NFYB: variants seen among roughly 807,000 people sequenced by gnomAD.
NFYB encodes the protein nuclear transcription factor Y subunit beta, also known as CAAT box DNA-binding protein subunit B.
NFYB carries 13 observed loss-of-function variants against 28.0 expected under a neutral mutation model. The observed-to-expected ratio is 0.46, with a 90% CI of 0.30 to 0.74. The LOEUF is 0.74. Among genes scored for constraint, NFYB ranks in the 30% least tolerant of loss-of-function variants. The pLI is 0.07. For missense variants in NFYB, 142 were observed against 247.6 expected, an observed-to-expected ratio of 0.57 and a Z score of 2.86; for synonymous variants, 74 against 75.0, an observed-to-expected ratio of 0.99 and a Z score of 0.07.
intron 1 of NFYB, chr12:104,137,399 C>G (rs2031143008): frequency 6.6e-6 from 1 of 152,294 alleles, no homozygotes; most frequent in African/African-American, 2.4e-5. Flanking sequence ...ACAGGGACCG[C>G]AAACCGCCAG....
chr12:104,120,786 A>C (rs915522292), intron 6 of NFYB, among the ~76,000 whole-genome samples: 8 of 152,206 alleles, frequency 5.3e-5, no homozygotes, highest in African/African-American at 1.9e-4. Context: ...CTACACCATG[A>C]GGTTTGGCTA....
In NFYB at chr12:104,118,948, G is replaced by T. The variant is rs945932000; in HGVS notation, c.*789C>A. On this transcript the variant is annotated 3_prime_UTR_variant, in exon 8 of 8. Coordinates refer to ENST00000240055, the MANE Select transcript of NFYB (RefSeq NM_006166.4). ...TTTGAAAAAAAATCATGTACCAAAT[G>T]AAAGGGGCACCATTTCAAGAGCACT... is the stretch of plus-strand genomic sequence containing the variant. 1 of 152,120 alleles carries T rather than the reference G, an allele frequency of 6.6e-6. No individual in the cohort carries two copies. The highest frequency in any genetic ancestry group is 1.5e-5 in the Non-Finnish European group (1 of 67,984). 9.4% of individuals were successfully genotyped at this position (152,120 alleles called of 1,614,324 possible). A position where few individuals can be genotyped will look rare whatever the true frequency, so the allele number is the denominator to read the frequency against.
At chr12:104,124,617 G>A (rs1453572237) in intron 4 of NFYB, among the ~76,000 whole-genome samples, 5 of 152,032 alleles carry the variant, frequency 3.3e-5, no homozygotes, top group African/African-American at 9.7e-5. Flanking sequence ...ACCCAATATA[G>A]CCAAATTCTT....
rs1022485714 is a variant in NFYB at position 104,128,510 on chromosome 12, C to G, written c.14G>C (p.Gly5Ala). Residue 5 changes from glycine (G) to alanine (A), a missense_variant, in exon 3 of 8, where the codon GGT becomes GCT. This residue lies in a region of NFYB where 54 missense variants were observed against 58.1 expected (regional missense o/e 0.93). Transcript: ENST00000240055. Reference protein sequence around the residue: MTMDGDSSTTDASQL... With the variant: MTMDADSSTTDASQL... ...AGAAGCATCTGTTGTAGAACTGTCA[C>G]CATCCATCTATGAGGAGAAAAACAG... The G allele has an allele frequency of 3.1e-6, 5 of 1,610,156 alleles. No individual in the cohort carries two copies. The East Asian group carries it at 1.1e-4, about 36-fold the overall frequency.
At chr12:104,136,770 G>A (rs7979648) in intron 1 of NFYB, among the ~76,000 whole-genome samples, 22,362 of 152,134 alleles carry the variant, frequency 0.15, 2,017 homozygotes, top group Admixed American at 0.22. Context: ...CTCATATGGT[G>A]TATATTTTCT....
chr12:104,135,638 T>C, intron 1 of NFYB, 106 bp from the exon 2 acceptor site: 1 of 439,974 alleles, frequency 2.3e-6, no homozygotes, highest in Middle Eastern at 5.9e-4. Flanking sequence ...AGGGCTTGTA[T>C]AATTTTGACT....
chr12:104,137,629 G>A lies in NFYB; in HGVS notation c.-80+512C>T, dbSNP rs1476333593. 2.0e-5 allele frequency: 3 copies of A among 150,600 alleles called. No homozygotes were observed. In the East Asian group the frequency reaches 5.9e-4, roughly 29 times the overall value. 9.3% of individuals were successfully genotyped at this position (150,600 alleles called of 1,614,324 possible). ...GCCTCCCACCCGCCGCGCGGCCCCC[G>A]GGATGTGCGGGCAGACAAAGCGCCG... On this transcript the variant is annotated intron_variant, in intron 1 of 7. Coordinates refer to ENST00000240055, the MANE Select transcript of NFYB (RefSeq NM_006166.4).
Position 104,126,078 on chromosome 12 carries a change from T to G in NFYB, c.231+36A>C, listed in dbSNP as rs751440860. 14 of 1,533,400 alleles carry G rather than the reference T, an allele frequency of 9.1e-6. No homozygotes were observed. The East Asian group carries it at 2.4e-4, about 26-fold the overall frequency. The allele number at this position is 1,533,400 out of a possible 1,614,324, so 95.0% of individuals were successfully genotyped here. A position where few individuals can be genotyped will look rare whatever the true frequency, so the allele number is the denominator to read the frequency against. ...GAATTCATGTAGTTTCGTGTTTCCC[T>G]TGAAAAAACCTAGTTAAATTTCTCC... On this transcript the variant is annotated intron_variant, in intron 4 of 7. Coordinates refer to ENST00000240055, the MANE Select transcript of NFYB (RefSeq NM_006166.4).
At chr12:104,120,509 A>G in intron 6 of NFYB, 30 bp from the exon 7 acceptor site, 1 of 1,476,588 alleles carries the variant, frequency 6.8e-7, no homozygotes, top group African/African-American at 1.4e-5. Context: ...TTAAAGAGGG[A>G]AATGAACTAT....
intron 7 of NFYB, among the ~76,000 whole-genome samples, chr12:104,120,088 C>T (rs2030408736): frequency 1.3e-5 from 2 of 151,814 alleles, no homozygotes. Context: ...CAGAGTCTCA[C>T]TCTATTGCCC....
rs1742559942 is a variant in NFYB at position 104,117,787 on chromosome 12, A to C, written c.*1950T>G. On this transcript the variant is annotated 3_prime_UTR_variant, in exon 8 of 8. Coordinates refer to ENST00000240055, the MANE Select transcript of NFYB (RefSeq NM_006166.4). ...AATAATTTTAGAGACAGTATCTGAT[A>C]ATCAAAGACCAAGTGCTTTTATCAG... is the stretch of plus-strand genomic sequence containing the variant. 1 of 152,220 alleles carries C rather than the reference A, an allele frequency of 6.6e-6. No individual in the cohort carries two copies. The highest frequency in any genetic ancestry group is 1.5e-5 in the Non-Finnish European group (1 of 68,038). The allele number at this position is 152,220 out of a possible 1,614,324, so 9.4% of individuals were successfully genotyped here.
intron 1 of NFYB, 39 bp from the exon 2 acceptor site, chr12:104,135,571 A>G (rs4257050): frequency 0.068 from 53,946 of 793,884 alleles, 2,123 homozygotes; most frequent in South Asian, 0.12. Context: ...ACATCTATCA[A>G]TAGTAAAAAT....
At chr12:104,124,258 A>C (rs148440327) in intron 4 of NFYB, among the ~76,000 whole-genome samples, 6 of 152,378 alleles carry the variant, frequency 3.9e-5, no homozygotes, top group African/African-American at 1.2e-4. Context: ...TGGGATACAC[A>C]GTGTCAGATA....
At chr12:104,120,078 C>T (rs1374316198) in intron 7 of NFYB, among the ~76,000 whole-genome samples, 2 of 151,326 alleles carry the variant, frequency 1.3e-5, no homozygotes, top group African/African-American at 4.9e-5. Flanking sequence ...TTTTTTGAGA[C>T]AGAGTCTCAC....
Position 104,119,656 on chromosome 12 carries a change from A to T in NFYB, c.*81T>A. ...ATATACAAAGATACATCTTTTCACC[A>T]GTCTTTCCTTCTGATGTCTCTGTTC... On this transcript the variant is annotated 3_prime_UTR_variant, in exon 8 of 8. Coordinates refer to ENST00000240055, the MANE Select transcript of NFYB (RefSeq NM_006166.4). The T allele has an allele frequency of 2.0e-6, 2 of 984,652 alleles. No individual in the cohort carries two copies. Among genetic ancestry groups the T allele is most frequent in the South Asian group, 1.6e-5 (1 of 61,718 alleles). 61.0% of individuals were successfully genotyped at this position (984,652 alleles called of 1,614,324 possible). A position where few individuals can be genotyped will look rare whatever the true frequency, so the allele number is the denominator to read the frequency against.
rs745853383 is a variant in NFYB, at chr12:104,117,731, A to C, written c.*2006T>G. 2 of 152,132 alleles carry C rather than the reference A, an allele frequency of 1.3e-5. No homozygotes were observed. The highest frequency in any genetic ancestry group is 2.9e-5 in the Non-Finnish European group (2 of 68,020). 9.4% of individuals were successfully genotyped at this position (152,132 alleles called of 1,614,324 possible). ...GGCCTCAAATTCCTTTTTTATCTTCATTCTCTACTTGAACAAATATTAATC... is the reference window on the plus strand; with the variant it reads ...GGCCTCAAATTCCTTTTTTATCTTCCTTCTCTACTTGAACAAATATTAATC... On this transcript the variant is annotated 3_prime_UTR_variant, in exon 8 of 8. Transcript: ENST00000240055.
chr12:104,128,527 G>A lies in NFYB; in HGVS notation c.7-10C>T. 6.3e-7 allele frequency: 1 copy of A among 1,597,638 alleles called. No homozygotes were observed. The highest frequency in any genetic ancestry group is 8.6e-7 in the Non-Finnish European group (1 of 1,167,670). ...AACTGTCACCATCCATCTATGAGGA[G>A]AAAAACAGTTTTTCAATACTTTTCA... On this transcript the variant is annotated splice_polypyrimidine_tract_variant and intron_variant, in intron 2 of 7. Coordinates refer to ENST00000240055, the MANE Select transcript of NFYB (RefSeq NM_006166.4).
rs529842767 is a variant in NFYB, at chr12:104,125,544, G to A, written c.231+570C>T. Among the ~76,000 whole-genome samples, 8 of 151,238 alleles carry A rather than the reference G, an allele frequency of 5.3e-5. No individual in the cohort carries two copies. The East Asian group carries it at 1.2e-3, about 22-fold the overall frequency. ...ACCCAAACCTGATAGTTCTGACAAC[G>A]TACCTATTTTTTAAAACAGTCGGGC... On this transcript the variant is annotated intron_variant, in intron 4 of 7. Transcript: ENST00000240055.
intron 3 of NFYB, among the ~76,000 whole-genome samples, chr12:104,127,042 T>C (rs1453302373): frequency 6.6e-6 from 1 of 152,224 alleles, no homozygotes; most frequent in Non-Finnish European, 1.5e-5. Flanking sequence ...TAGCTATAAC[T>C]GAAGCTTGCG....
Sources: allele counts gnomAD v4.1 joint callset (sites outside exome capture counted in the v4.1 genomes callset), GRCh38; gene constraint gnomAD v4.1.1; regional missense constraint gnomAD v4.1.1; transcripts MANE v1.5; gene names NCBI Gene and HGNC (gene_info 2026-07-23, HGNC 2026-07-21).